Variants in LAMA3 observed in about 807,000 individuals in gnomAD.
LAMA3 encodes laminin subunit alpha 3.
In LAMA3, 281 loss-of-function variants were observed where a neutral mutation model predicts 402.0. The observed-to-expected ratio is 0.70, with a 90% CI of 0.63 to 0.77. LAMA3 has a LOEUF of 0.77. LAMA3 is among the 30% of genes least tolerant of loss of function. The pLI is 0.00. For synonymous variants in LAMA3, 1,431 were observed against 1,558.4 expected, an observed-to-expected ratio of 0.92 and a Z score of 1.93; for missense variants, 3,840 against 4,215.5, an observed-to-expected ratio of 0.91 and a Z score of 2.47.
In LAMA3 at chr18:23,753,824, G is replaced by A; in HGVS notation, c.947+12G>A. ...AATCCTGAAAAACTGTAAGTACACT[G>A]TACAGATTTTTTTCAGCCTTACTAT... On this transcript the variant is annotated intron_variant, in intron 6 of 74. Transcript: ENST00000313654. The A allele has an allele frequency of 6.3e-7, 1 of 1,582,350 alleles. No homozygotes were observed. The highest frequency in any genetic ancestry group is 2.2e-5 in the East Asian group (1 of 44,720).
intron 6 of LAMA3, 75 bp downstream of exon 6, chr18:23,753,887 G>A (rs1216086156): frequency 5.1e-6 from 5 of 977,754 alleles, no homozygotes; most frequent in African/African-American, 3.2e-5. Flanking sequence ...TTTGCATCCC[G>A]TTAAATGTTT....
chr18:23,769,296 G>T (rs2143817967), intron 8 of LAMA3, among the ~76,000 whole-genome samples: 1 of 152,002 alleles, frequency 6.6e-6, no homozygotes, highest in Admixed American at 6.5e-5. Context: ...TTAGAGGAGA[G>T]AATAAATAAT....
At chr18:23,870,951 T>C (rs1362745796) in intron 37 of LAMA3, among the ~76,000 whole-genome samples, 1 of 152,214 alleles carries the variant, frequency 6.6e-6, no homozygotes, top group Non-Finnish European at 1.5e-5. Context: ...TAAAAATGGT[T>C]AAGATGGTAA....
At chr18:23,775,724 G>C (rs1156316124) in intron 9 of LAMA3, 68 bp from the exon 10 acceptor site, 1 of 1,580,100 alleles carries the variant, frequency 6.3e-7, no homozygotes, top group East Asian at 2.2e-5. Context: ...CCTGGGAAGT[G>C]TTGGAACATA....
chr18:23,845,947 A>C (rs567768415), intron 30 of LAMA3, among the ~76,000 whole-genome samples: 1 of 152,352 alleles, frequency 6.6e-6, no homozygotes, highest in Non-Finnish European at 1.5e-5. Context: ...TCATTTTATT[A>C]GTTGTATTAT....
chr18:23,941,880 C>T (rs1388188866), intron 68 of LAMA3, among the ~76,000 whole-genome samples: 1 of 152,190 alleles, frequency 6.6e-6, no homozygotes, highest in Non-Finnish European at 1.5e-5. Context: ...TATTCTGCAG[C>T]ACGTTCTAAT....
Position 23,916,691 on chromosome 18 carries a change from A to G in LAMA3, c.7919A>G (p.Asn2640Ser). 6.2e-7 allele frequency: 1 copy of G among 1,614,102 alleles called. No homozygotes were observed. The highest frequency in any genetic ancestry group is 8.5e-7 in the Non-Finnish European group (1 of 1,179,986). ...AGAGGCTTGCTGTTCTTTGCAGAAAACGGGGTAATCTATAACAAGCATCCA... is the reference window on the plus strand; with the variant it reads ...AGAGGCTTGCTGTTCTTTGCAGAAAGCGGGGTAATCTATAACAAGCATCCA... ...VDRGLLFFAE[N>S]GDRFISLNIE... The change falls in exon 60 of 75, where the codon AAC (asparagine) becomes AGC (serine). Residue 2640 changes from asparagine to serine, a missense_variant. Physicochemically the swap from Asn to Ser is conservative, Grantham distance 46. Coordinates refer to ENST00000313654, the MANE Select transcript of LAMA3 (RefSeq NM_198129.4).
intron 12 of LAMA3, among the ~76,000 whole-genome samples, chr18:23,798,039 G>A (rs185430403): frequency 2.6e-5 from 4 of 151,992 alleles, no homozygotes; most frequent in Admixed American, 2.6e-4. Context: ...GGTTATTTAG[G>A]GGGTTTACTC....
rs1229789151 is a variant in LAMA3, at chr18:23,879,249, G to T, written c.5113-2687G>T. 6.6e-6 allele frequency among the ~76,000 whole-genome samples: 1 copy of T among 152,180 alleles called. No individual in the cohort carries two copies. Among genetic ancestry groups the T allele is most frequent in the African/African-American group, 2.4e-5 (1 of 41,446 alleles). The stretch of plus-strand genomic sequence containing the variant: ...ACAGTACTGGGGGCTCTTTCTAGCT[G>T]CATCCCGCCCCCTTGCACTTCTGCC... On this transcript the variant is annotated intron_variant, in intron 39 of 74. Transcript: ENST00000313654. The surrounding 1 kb of genome is among the most constrained non-coding windows in gnomAD (Gnocchi z 4.2).
intron 39 of LAMA3, among the ~76,000 whole-genome samples, chr18:23,876,926 C>G (rs530132195): frequency 1.3e-5 from 2 of 152,196 alleles, no homozygotes; most frequent in African/African-American, 4.8e-5. Flanking sequence ...GAGACTGAGG[C>G]AGGAGAATTG....
intron 42 of LAMA3, among the ~76,000 whole-genome samples, chr18:23,893,803 T>C (rs9961718): frequency 0.8 from 121,420 of 152,146 alleles, 49,188 homozygotes; most frequent in African/African-American, 0.95. Flanking sequence ...GGGGCTCTGT[T>C]ACACTGTAAA....
intron 73 of LAMA3, among the ~76,000 whole-genome samples, chr18:23,951,994 C>CTGT (rs1555755523): frequency 1.3e-5 from 2 of 152,146 alleles, no homozygotes; most frequent in Non-Finnish European, 2.9e-5. Context: ...TTTATTGTTG[C>CTGT]TGTTGTTGTT....
At chr18:23,854,640 C>CA (rs2064024596) in intron 32 of LAMA3, among the ~76,000 whole-genome samples, 1 of 143,664 alleles carries the variant, frequency 7.0e-6, no homozygotes, top group African/African-American at 2.6e-5. Flanking sequence ...GACTCTGTCT[C>CA]AAAAAAATAA....
intron 8 of LAMA3, among the ~76,000 whole-genome samples, chr18:23,766,257 G>A (rs1283452616): frequency 6.6e-6 from 1 of 152,126 alleles, no homozygotes; most frequent in Non-Finnish European, 1.5e-5. Context: ...ATTAGAAACT[G>A]GAGGTCACAG....
chr18:23,790,754 T>A (rs2062634393), intron 12 of LAMA3, among the ~76,000 whole-genome samples: 3 of 152,214 alleles, frequency 2.0e-5, no homozygotes, highest in Non-Finnish European at 2.9e-5. Context: ...TGTGCCAGTA[T>A]ACACTGCATA....
intron 60 of LAMA3, among the ~76,000 whole-genome samples, chr18:23,920,599 G>C (rs949177021): frequency 6.6e-6 from 1 of 152,078 alleles, no homozygotes; most frequent in Non-Finnish European, 1.5e-5. Context: ...TCTCTAAAAG[G>C]CACTCATATT....
At chr18:23,942,759 G>A (rs2082569682) in intron 68 of LAMA3, among the ~76,000 whole-genome samples, 2 of 152,076 alleles carry the variant, frequency 1.3e-5, no homozygotes, top group East Asian at 1.9e-4. Flanking sequence ...TGTATTTTTA[G>A]TAGAGACAGG....
intron 67 of LAMA3, among the ~76,000 whole-genome samples, chr18:23,936,337 C>G (rs2082313064): frequency 6.6e-6 from 1 of 151,218 alleles, no homozygotes; most frequent in African/African-American, 2.4e-5. Flanking sequence ...GTGCTGCACC[C>G]ATTAACTCGT....
Position 23,879,144 on chromosome 18 carries a change from C to A in LAMA3, c.5112+2737C>A, listed in dbSNP as rs1288792870. Among the ~76,000 whole-genome samples the A allele has an allele frequency of 6.6e-6, 1 of 152,080 alleles. No homozygotes were observed. The highest frequency in any genetic ancestry group is 1.5e-5 in the Non-Finnish European group (1 of 68,026). On this transcript the variant is annotated intron_variant, in intron 39 of 74. Coordinates refer to ENST00000313654, the MANE Select transcript of LAMA3 (RefSeq NM_198129.4). This position sits in a 1 kb window ranked among gnomAD's most constrained non-coding sequence, Gnocchi z 4.2. The stretch of plus-strand genomic sequence containing the variant: ...CCCTCTGCAGTTGCAATGGAATTTC[C>A]AAATGATTTATCTGAAATTCACAGC...
Sources: allele counts gnomAD v4.1 joint callset (sites outside exome capture counted in the v4.1 genomes callset), GRCh38; gene constraint gnomAD v4.1.1; non-coding constraint Gnocchi (gnomAD v3.1); transcripts MANE v1.5; gene names NCBI Gene and HGNC (gene_info 2026-07-23, HGNC 2026-07-21).